Variants in RPF1 observed in about 807,000 individuals in gnomAD.
The protein encoded by RPF1 is ribosome production factor 1.
RPF1 carries 34 observed loss-of-function variants against 41.9 expected under a neutral mutation model. That is an observed-to-expected ratio of 0.81 (90% CI 0.62 to 1.08). The LOEUF is 1.08. RPF1 is among the 50% of genes least tolerant of loss of function. RPF1 has a pLI of 0.00. For missense variants in RPF1, 425 were observed against 435.2 expected (o/e 0.98, Z 0.21); for synonymous variants, 140 against 148.9 (o/e 0.94, Z 0.43).
At chr1:84,491,891 T>C (rs771565046) in intron 5 of RPF1, among the ~76,000 whole-genome samples, 5 of 152,206 alleles carry the variant, frequency 3.3e-5, no homozygotes, top group Admixed American at 6.5e-5. Flanking sequence ...CCGGATGCGG[T>C]GGCTCACACC....
At chr1:84,491,722 AC>A (rs1681838539) in intron 5 of RPF1, among the ~76,000 whole-genome samples, 1 of 152,216 alleles carries the variant, frequency 6.6e-6, no homozygotes, top group African/African-American at 2.4e-5. Context: ...CAGTTAAAAA[AC>A]AACTGTCATC....
chr1:84,491,070 A>C (rs1681827083), intron 5 of RPF1, among the ~76,000 whole-genome samples: 1 of 151,986 alleles, frequency 6.6e-6, no homozygotes, highest in Non-Finnish European at 1.5e-5. Context: ...TGAGGTAGAG[A>C]CTTGGGCCCA....
rs746133260 is a variant in RPF1 at position 84,495,450 on chromosome 1, A to G, written c.694A>G (p.Ile232Val). ...GAGCAGTGTTCGTCTTCGTAAAGAA[A>G]TTAAGGTAAGTTTTATACATTTCTT... The part of the protein sequence containing the change: ...KMSSVRLRKE[I>V]KRRGKDPTEH... Residue 232 changes from isoleucine to valine, a missense_variant, in exon 6 of 9, where the codon ATT (isoleucine) becomes GTT (valine). By Grantham distance (29) the Ile-to-Val change is conservative. Coordinates refer to ENST00000370654, the MANE Select transcript of RPF1 (RefSeq NM_025065.7). 14 of 1,392,454 alleles carry G rather than the reference A, an allele frequency of 1.0e-5. No homozygotes were observed. In the Admixed American group the frequency reaches 2.6e-4, roughly 26 times the overall value. The allele number at this position is 1,392,454 out of a possible 1,614,324, so 86.3% of individuals were successfully genotyped here.
intron 2 of RPF1, among the ~76,000 whole-genome samples, chr1:84,481,964 G>T (rs1681658177): frequency 6.6e-6 from 1 of 152,130 alleles, no homozygotes; most frequent in Admixed American, 6.5e-5. Flanking sequence ...GTTTTGACCT[G>T]CAGTATCCTA....
At chr1:84,487,315 G>A (rs1681754025) in intron 3 of RPF1, among the ~76,000 whole-genome samples, 1 of 152,184 alleles carries the variant, frequency 6.6e-6, no homozygotes, top group Non-Finnish European at 1.5e-5. Flanking sequence ...CTCATGGTAT[G>A]TTCAGACTAA....
chr1:84,480,880 A>C (rs985356786), intron 1 of RPF1, 76 bp from the exon 2 acceptor site: 5 of 784,850 alleles, frequency 6.4e-6, no homozygotes, highest in African/African-American at 1.8e-5. Context: ...AGCATTAGTA[A>C]TTTGTAGTTT....
At chr1:84,497,332 G>A in intron 8 of RPF1, 97 bp from the exon 9 acceptor site, 1 of 963,568 alleles carries the variant, frequency 1.0e-6, no homozygotes, top group South Asian at 1.6e-5. Flanking sequence ...TGTTACTTAT[G>A]AAGATCTAGG....
chr1:84,482,854 C>A, intron 2 of RPF1, 61 bp from the exon 3 acceptor site: 1 of 1,031,658 alleles, frequency 9.7e-7, no homozygotes, highest in South Asian at 1.4e-5. Flanking sequence ...TTATTTTTCT[C>A]CAACAGTAAT....
At chr1:84,479,714 G>C (rs927901532) in intron 1 of RPF1, among the ~76,000 whole-genome samples, 1 of 152,222 alleles carries the variant, frequency 6.6e-6, no homozygotes, top group Non-Finnish European at 1.5e-5. Flanking sequence ...GAGCGTCAAG[G>C]TGGAAGATTA....
At chr1:84,496,638 T>C (rs1681940740) in intron 8 of RPF1, among the ~76,000 whole-genome samples, 2 of 151,392 alleles carry the variant, frequency 1.3e-5, no homozygotes, top group African/African-American at 4.9e-5. Flanking sequence ...GTATAAACAT[T>C]AGTGGTTCTC....
In RPF1 at chr1:84,495,979, T is replaced by C; in HGVS notation, c.797T>C (p.Leu266Pro). Residue 266 changes from leucine (L) to proline (P), a missense_variant, in exon 7 of 9, where the codon CTC becomes CCC. Leu to Pro is a moderately conservative substitution (Grantham distance 98). Coordinates refer to ENST00000370654, the MANE Select transcript of RPF1 (RefSeq NM_025065.7). ...GHSIGRMFAS[L>P]FPHNPQFIGR... ...TCAATTGGACGTATGTTTGCATCTC[T>C]CTTTCCTCATAATCCTCAATTTATC... 1 of 1,610,088 alleles carries C rather than the reference T, an allele frequency of 6.2e-7. No homozygotes were observed. Among genetic ancestry groups the C allele is most frequent in the Non-Finnish European group, 8.5e-7 (1 of 1,176,298 alleles).
In RPF1 at chr1:84,496,225, ACT is replaced by A. The variant is rs753353389; in HGVS notation, c.882-16_882-15del. ...ACAATAGCTCATTCAGACTAATTTAACTCTTTTTGTCTTTGAAGATACATATT... is the reference window on the plus strand; with the variant it reads ...ACAATAGCTCATTCAGACTAATTTAACTTTTTGTCTTTGAAGATACATATT... On this transcript the variant is annotated splice_polypyrimidine_tract_variant and intron_variant, in intron 7 of 8. Coordinates refer to ENST00000370654, the MANE Select transcript of RPF1 (RefSeq NM_025065.7). 1.2e-5 allele frequency: 20 copies of A among 1,603,838 alleles called. 1 individual carries two copies. The highest frequency in any genetic ancestry group is 3.3e-4 in the Middle Eastern group (2 of 5,996).
intron 3 of RPF1, among the ~76,000 whole-genome samples, chr1:84,487,862 C>G (rs1483100622): frequency 1.3e-5 from 2 of 151,980 alleles, no homozygotes; most frequent in Non-Finnish European, 2.9e-5. Context: ...ATTCTGTGTT[C>G]TACTTCTTAA....
intron 3 of RPF1, among the ~76,000 whole-genome samples, chr1:84,486,809 CT>C (rs1681747461): frequency 1.3e-5 from 2 of 151,830 alleles, no homozygotes; most frequent in African/African-American, 4.8e-5. Flanking sequence ...ATTTTTTCCC[CT>C]GGGTATATTT....
intron 5 of RPF1, among the ~76,000 whole-genome samples, chr1:84,494,764 G>A (rs1363467402): frequency 6.6e-6 from 1 of 152,176 alleles, no homozygotes; most frequent in Non-Finnish European, 1.5e-5. Flanking sequence ...TCAGTTCATG[G>A]GAAATGACAG....
chr1:84,494,435 T>G (rs1681891961), intron 5 of RPF1, among the ~76,000 whole-genome samples: 1 of 152,238 alleles, frequency 6.6e-6, no homozygotes, highest in Non-Finnish European at 1.5e-5. Context: ...TTCTGGCCTA[T>G]TTAAGTTGTT....
intron 2 of RPF1, among the ~76,000 whole-genome samples, chr1:84,481,382 C>T (rs78726241): frequency 7.9e-5 from 12 of 152,314 alleles, no homozygotes; most frequent in African/African-American, 2.9e-4. Context: ...AACACCTCTC[C>T]CTGACTTTGG....
intron 8 of RPF1, among the ~76,000 whole-genome samples, 196 bp downstream of exon 8, chr1:84,496,566 TAAA>T (rs34913814): frequency 6.5e-4 from 86 of 131,784 alleles, no homozygotes; most frequent in Admixed American, 8.5e-4. Flanking sequence ...ACCCTTGAAC[TAAA>T]AAAAAAAAAA....
chr1:84,486,692 A>G (rs1230612024), intron 3 of RPF1, among the ~76,000 whole-genome samples: 2 of 152,046 alleles, frequency 1.3e-5, no homozygotes, highest in Non-Finnish European at 2.9e-5. Context: ...AGGTAAGTAG[A>G]GAAAGGAAGC....
Sources: gnomAD v4.1 joint callset for allele counts (sites outside exome capture counted in the v4.1 genomes callset) on GRCh38, gnomAD v4.1.1 for gene constraint, MANE v1.5 for transcripts, NCBI Gene and HGNC (gene_info 2026-07-23, HGNC 2026-07-21) for gene names.